PLXNA4: variants seen among roughly 807,000 people sequenced by gnomAD.
PLXNA4 encodes the protein plexin A4.
PLXNA4 carries 44 observed loss-of-function variants against 191.8 expected under a neutral mutation model. That is an observed-to-expected ratio of 0.23 (90% CI 0.18 to 0.29). The LOEUF (loss-of-function observed/expected upper bound fraction) is 0.29. PLXNA4 is among the 10% of genes least tolerant of loss of function. The probability of loss-of-function intolerance (pLI) is 1.00; values close to 1 mark genes in which losing one functional copy is unlikely to be tolerated. For synonymous variants in PLXNA4, 1,082 were observed against 1,009.5 expected, an observed-to-expected ratio of 1.07 and a Z score of -1.36; for missense variants, 1,800 against 2,488.8, an observed-to-expected ratio of 0.72 and a Z score of 5.89.
rs746448751 is a variant in PLXNA4, at chr7:132,181,630, G to T, written c.3253-10C>A. ...TCAGAACCTCACAGATCTGTGGGAG[G>T]AGCCACAGAGTGGAGTCTATGCAGT... On this transcript the variant is annotated splice_polypyrimidine_tract_variant and intron_variant, in intron 17 of 31. Transcript: ENST00000321063. 6.2e-7 allele frequency: 1 copy of T among 1,613,574 alleles called. No homozygotes were observed.
At chr7:132,521,147 C>T (rs546551209) in intron 1 of PLXNA4, among the ~76,000 whole-genome samples, 27 of 143,788 alleles carry the variant, frequency 1.9e-4, no homozygotes, top group African/African-American at 6.6e-4. Context: ...CCACTGCAGC[C>T]GGAAGCTGAA....
Position 132,508,779 on chromosome 7 carries a change from A to T in PLXNA4, c.-86T>A. On this transcript the variant is annotated splice_region_variant and 5_prime_UTR_variant, in exon 2 of 32. Coordinates refer to ENST00000321063, the MANE Select transcript of PLXNA4 (RefSeq NM_020911.2). The surrounding 1 kb of genome is among the most constrained non-coding windows in gnomAD (Gnocchi z 4.4). ...AGGACTCAGCAATGCAGTCTCCCCT[A>T]CTGGAGAAAGGGAAGACAATGAGCT... 3.5e-6 allele frequency: 5 copies of T among 1,436,812 alleles called. No individual in the cohort carries two copies. Among genetic ancestry groups the T allele is most frequent in the Non-Finnish European group, 4.5e-6 (5 of 1,099,808 alleles). 89.0% of individuals were successfully genotyped at this position (1,436,812 alleles called of 1,614,324 possible). A position where few individuals can be genotyped will look rare whatever the true frequency, so the allele number is the denominator to read the frequency against.
chr7:132,350,766 C>G (rs1803451109), intron 3 of PLXNA4, among the ~76,000 whole-genome samples: 2 of 152,104 alleles, frequency 1.3e-5, no homozygotes, highest in South Asian at 4.1e-4. Flanking sequence ...ACTATATGAT[C>G]CCAAAATTCC....
chr7:132,595,389 A>G (rs1802690074), intron 2 of PLXNA4, among the ~76,000 whole-genome samples: 1 of 152,188 alleles, frequency 6.6e-6, no homozygotes, highest in East Asian at 1.9e-4. Context: ...ATGATGCCTC[A>G]TGGAGACTGG....
At chr7:132,515,431 C>T (rs924564437) in intron 1 of PLXNA4, among the ~76,000 whole-genome samples, 16 of 152,180 alleles carry the variant, frequency 1.1e-4, no homozygotes, top group African/African-American at 3.6e-4. Context: ...GGTTTTCTGG[C>T]ACTTGCTGAT....
At chr7:132,437,140 T>C (rs1046887975) in intron 3 of PLXNA4, among the ~76,000 whole-genome samples, 3 of 152,206 alleles carry the variant, frequency 2.0e-5, no homozygotes, top group African/African-American at 7.2e-5. Context: ...AGTCCTCAGA[T>C]GAAAATGGCT....
intron 1 of PLXNA4, among the ~76,000 whole-genome samples, chr7:132,543,683 G>C (rs1800175789): frequency 6.6e-6 from 1 of 152,200 alleles, no homozygotes; most frequent in Admixed American, 6.5e-5. Flanking sequence ...CCAAAACATG[G>C]ATAAACTTGA....
chr7:132,179,385 A>G (rs1796622717), intron 20 of PLXNA4, among the ~76,000 whole-genome samples: 1 of 145,148 alleles, frequency 6.9e-6, no homozygotes, highest in African/African-American at 2.6e-5. Context: ...TTGTACATGA[A>G]ACATATACAC....
intron 1 of PLXNA4, among the ~76,000 whole-genome samples, chr7:132,514,819 C>T (rs565505787): frequency 6.6e-6 from 1 of 152,182 alleles, no homozygotes; most frequent in Non-Finnish European, 1.5e-5. Flanking sequence ...CACACACACA[C>T]ACACACACAT....
intron 4 of PLXNA4, among the ~76,000 whole-genome samples, chr7:132,294,095 T>C (rs751778034): frequency 2.6e-5 from 4 of 152,196 alleles, no homozygotes; most frequent in African/African-American, 4.8e-5. Flanking sequence ...AAGAATCATA[T>C]AGCAAATAAG....
Position 132,123,939 on chromosome 7 carries a change from C to CTGT in PLXNA4, c.*6537_*6539dup, listed in dbSNP as rs1429668635. On this transcript the variant is annotated 3_prime_UTR_variant, in exon 32 of 32. Transcript: ENST00000321063. ...ACACGTCGGCTCGCTGAGCCATTGTCTGTTGTGGTACCCTGGAGTTGCTGG... is the reference window on the plus strand; with the variant it reads ...ACACGTCGGCTCGCTGAGCCATTGTCTGTTGTTGTGGTACCCTGGAGTTGCTGG... 2.0e-5 allele frequency: 3 copies of CTGT among 152,250 alleles called. No individual in the cohort carries two copies. The highest frequency in any genetic ancestry group is 4.4e-5 in the Non-Finnish European group (3 of 68,088). 9.4% of individuals were successfully genotyped at this position (152,250 alleles called of 1,614,324 possible).
intron 29 of PLXNA4, among the ~76,000 whole-genome samples, chr7:132,143,411 G>T (rs1795327025): frequency 6.6e-6 from 1 of 152,178 alleles, no homozygotes; most frequent in African/African-American, 2.4e-5. Context: ...CCAGCAGGAG[G>T]GATGGGGTGA....
intron 1 of PLXNA4, among the ~76,000 whole-genome samples, chr7:132,552,708 A>AC (rs1800614934): frequency 1.3e-5 from 2 of 152,080 alleles, no homozygotes; most frequent in Admixed American, 6.6e-5. Context: ...CTGGAGACAC[A>AC]CCCCCTTTGG....
At chr7:132,257,862 T>C (rs1799486866) in intron 4 of PLXNA4, among the ~76,000 whole-genome samples, 1 of 152,220 alleles carries the variant, frequency 6.6e-6, no homozygotes, top group Non-Finnish European at 1.5e-5. Flanking sequence ...TGTCTGTAGA[T>C]GGAGGAATTG....
chr7:132,582,425 A>G lies in PLXNA4; in HGVS notation c.-87+63503T>C, dbSNP rs531233874. Among the ~76,000 whole-genome samples, 4 of 152,324 alleles carry G rather than the reference A, an allele frequency of 2.6e-5. No homozygotes were observed. In the South Asian group the frequency reaches 8.3e-4, roughly 32 times the overall value. On this transcript the variant is annotated intron_variant, in intron 2 of 4. Coordinates refer to the PLXNA4 transcript ENST00000378539. ...GCCCCAGTGACTCTCAACCAGAGGTATTCATGCCCTCATACAGTCTGCTCC... is the reference window on the plus strand; with the variant it reads ...GCCCCAGTGACTCTCAACCAGAGGTGTTCATGCCCTCATACAGTCTGCTCC...
chr7:132,432,746 AT>A (rs1585127150), intron 3 of PLXNA4, among the ~76,000 whole-genome samples: 3 of 152,310 alleles, frequency 2.0e-5, no homozygotes, highest in Admixed American at 6.5e-5. Flanking sequence ...AGTGAAAAAA[AT>A]CTCATCTAAT....
intron 4 of PLXNA4, among the ~76,000 whole-genome samples, chr7:132,260,848 C>T (rs1451573371): frequency 1.3e-5 from 2 of 151,854 alleles, no homozygotes; most frequent in African/African-American, 4.8e-5. Context: ...GATGTACAAC[C>T]CCAGAGTGAG....
chr7:132,204,515 A>G (rs1290675467), intron 10 of PLXNA4, among the ~76,000 whole-genome samples: 2 of 152,148 alleles, frequency 1.3e-5, no homozygotes, highest in African/African-American at 4.8e-5. Flanking sequence ...AGTCCAGAGG[A>G]CCAGGTTTGA....
At chr7:132,474,211 G>C (rs111598748) in intron 3 of PLXNA4, among the ~76,000 whole-genome samples, 6,217 of 108,336 alleles carry the variant, frequency 0.057, 206 homozygotes, top group African/African-American at 0.13. Context: ...AGATCTCTCT[G>C]TCTCACACAC....
Sources: gnomAD v4.1 joint callset for allele counts (sites outside exome capture counted in the v4.1 genomes callset) on GRCh38, gnomAD v4.1.1 for gene constraint, Gnocchi (gnomAD v3.1) non-coding constraint, MANE v1.5 for transcripts, NCBI Gene and HGNC (gene_info 2026-07-23, HGNC 2026-07-21) for gene names.